FGGY: variants seen among roughly 807,000 people sequenced by gnomAD.
FGGY encodes FGGY carbohydrate kinase domain-containing protein.
In FGGY, 72 loss-of-function variants were observed where a neutral mutation model predicts 71.3. That is an observed-to-expected ratio of 1.01 (90% CI 0.84 to 1.23). The LOEUF is 1.23. Among genes scored for constraint, FGGY ranks in the 50% most tolerant of loss-of-function variants. The pLI is 0.00. For synonymous variants in FGGY, 251 were observed against 250.3 expected, an observed-to-expected ratio of 1.00 and a Z score of -0.02; for missense variants, 668 against 682.3, an observed-to-expected ratio of 0.98 and a Z score of 0.23.
chr1:59,554,909 G>A (rs1035360073), intron 8 of FGGY, among the ~76,000 whole-genome samples: 1 of 152,056 alleles, frequency 6.6e-6, no homozygotes, highest in Non-Finnish European at 1.5e-5. Context: ...CGACTCTTTG[G>A]AATTTTCCCA....
chr1:59,666,720 G>A (rs2097329317), intron 12 of FGGY, among the ~76,000 whole-genome samples: 1 of 152,206 alleles, frequency 6.6e-6, no homozygotes, highest in Non-Finnish European at 1.5e-5. Flanking sequence ...CCTGGTTTCA[G>A]GCAATAGCAG....
intron 14 of FGGY, among the ~76,000 whole-genome samples, chr1:59,736,285 T>G (rs1375098252): frequency 6.6e-6 from 1 of 152,090 alleles, no homozygotes; most frequent in Non-Finnish European, 1.5e-5. Context: ...TAGACTAATA[T>G]AGTAAATTGG....
At chr1:59,298,863 C>A (rs1345329262) in intron 1 of FGGY, among the ~76,000 whole-genome samples, 1 of 152,212 alleles carries the variant, frequency 6.6e-6, no homozygotes, top group African/African-American at 2.4e-5. Flanking sequence ...TGTCAGAGAT[C>A]ATCCAAATCA....
intron 4 of FGGY, among the ~76,000 whole-genome samples, chr1:59,350,109 T>A (rs78003774): frequency 0.025 from 3,805 of 152,224 alleles, 180 homozygotes; most frequent in African/African-American, 0.088. Flanking sequence ...GCCCGTTCAG[T>A]ATAAAAGCAT....
intron 9 of FGGY, among the ~76,000 whole-genome samples, chr1:59,613,923 A>G (rs935627021): frequency 5.1e-4 from 78 of 152,246 alleles, no homozygotes; most frequent in Non-Finnish European, 7.9e-4. Context: ...TCCTGGACAC[A>G]TATACCCTCC....
At chr1:59,644,929 A>T (rs541458199) in intron 11 of FGGY, among the ~76,000 whole-genome samples, 4 of 151,940 alleles carry the variant, frequency 2.6e-5, no homozygotes, top group Admixed American at 2.6e-4. Context: ...GTGGGCTGAG[A>T]TCACGCCACT....
At chr1:59,524,163 G>A (rs1224812772) in intron 7 of FGGY, among the ~76,000 whole-genome samples, 1 of 152,250 alleles carries the variant, frequency 6.6e-6, no homozygotes, top group Admixed American at 6.5e-5. Context: ...TTGTGGCTGA[G>A]CCCAGTGCTG....
At chr1:59,525,999 A>G (rs114081763) in intron 7 of FGGY, among the ~76,000 whole-genome samples, 59 of 152,124 alleles carry the variant, frequency 3.9e-4, no homozygotes, top group African/African-American at 1.4e-3. Context: ...GCGTGTGTGT[A>G]TGTGTATATA....
intron 6 of FGGY, among the ~76,000 whole-genome samples, chr1:59,491,056 T>TTTCCTCCC (rs2093831429): frequency 4.9e-5 from 1 of 20,430 alleles, no homozygotes; most frequent in Non-Finnish European, 8.8e-5. Flanking sequence ...CCTTCCTTCC[T>TTTCCTCCC]TCCTTCCTTC....
At chr1:59,360,319 C>T (rs2055234354) in intron 4 of FGGY, among the ~76,000 whole-genome samples, 1 of 152,122 alleles carries the variant, frequency 6.6e-6, no homozygotes, top group Admixed American at 6.6e-5. Context: ...GTGAAGCCTA[C>T]TGCAGTTGTC....
chr1:59,688,795 G>A (rs1280881469), intron 14 of FGGY, among the ~76,000 whole-genome samples: 1 of 150,814 alleles, frequency 6.6e-6, no homozygotes, highest in Non-Finnish European at 1.5e-5. Context: ...TGTCGCCTAG[G>A]CTGGAGTGCA....
intron 7 of FGGY, among the ~76,000 whole-genome samples, chr1:59,534,234 A>T (rs937540323): frequency 6.6e-6 from 1 of 152,214 alleles, no homozygotes; most frequent in Non-Finnish European, 1.5e-5. Flanking sequence ...GGTATCAGCG[A>T]TGGAAGATGA....
At chr1:59,677,163 G>A (rs2097443608) in intron 14 of FGGY, among the ~76,000 whole-genome samples, 1 of 152,196 alleles carries the variant, frequency 6.6e-6, no homozygotes, top group Non-Finnish European at 1.5e-5. Flanking sequence ...TGTGCCCCAG[G>A]TCTGAGGACC....
intron 10 of FGGY, among the ~76,000 whole-genome samples, chr1:59,629,273 C>G (rs970107579): frequency 1.3e-5 from 2 of 152,118 alleles, no homozygotes; most frequent in African/African-American, 4.8e-5. Context: ...TTAGACATTT[C>G]CATTCTACTA....
intron 5 of FGGY, among the ~76,000 whole-genome samples, chr1:59,405,855 CTA>C (rs2062651940): frequency 6.6e-6 from 1 of 151,898 alleles, no homozygotes; most frequent in Non-Finnish European, 1.5e-5. Context: ...CTCTCTGGTG[CTA>C]TGTTACGATG....
At chr1:59,626,823 C>A (rs1237875421) in intron 10 of FGGY, 1 of 151,880 alleles carries the variant, frequency 6.6e-6, no homozygotes. Flanking sequence ...CCACTGCACT[C>A]CAGCCTGGGC....
chr1:59,568,265 G>A (rs1342238324), intron 8 of FGGY, among the ~76,000 whole-genome samples: 1 of 152,194 alleles, frequency 6.6e-6, no homozygotes, highest in Admixed American at 6.5e-5. Flanking sequence ...GGTTGAAGAA[G>A]TGTGGTAGAC....
chr1:59,496,614 C>T (rs1451933833), intron 6 of FGGY, among the ~76,000 whole-genome samples: 1 of 151,948 alleles, frequency 6.6e-6, no homozygotes, highest in Admixed American at 6.6e-5. Flanking sequence ...AATCTGCACA[C>T]CAAACTAATG....
chr1:59,406,855 A>G (rs2062836671), intron 5 of FGGY, among the ~76,000 whole-genome samples: 1 of 152,208 alleles, frequency 6.6e-6, no homozygotes, highest in Admixed American at 6.5e-5. Flanking sequence ...ATATATGCAT[A>G]TATTTAGCAA....
Sources: gnomAD v4.1 joint callset for allele counts (sites outside exome capture counted in the v4.1 genomes callset) on GRCh38, gnomAD v4.1.1 for gene constraint, MANE v1.5 for transcripts, NCBI Gene and HGNC (gene_info 2026-07-23, HGNC 2026-07-21) for gene names.